PLD1: variants seen among roughly 807,000 people sequenced by gnomAD.
PLD1 encodes choline phosphatase 1.
Under a neutral mutation model 137.1 loss-of-function variants are expected in PLD1, and 112 were observed. That is an observed-to-expected ratio of 0.82 (90% confidence interval 0.70 to 0.96). PLD1 has a LOEUF of 0.96. PLD1 is among the 40% of genes least tolerant of loss of function. The pLI is 0.00. For synonymous variants in PLD1, 431 were observed against 454.7 expected (o/e 0.95, Z 0.66); for missense variants, 1,321 against 1,342.0 (o/e 0.98, Z 0.24).
intron 19 of PLD1, among the ~76,000 whole-genome samples, chr3:171,666,009 T>G (rs536904667): frequency 2.7e-4 from 41 of 152,356 alleles, no homozygotes; most frequent in African/African-American, 9.6e-4. Context: ...AGTTAAAATC[T>G]CCCTATCACC....
At chr3:171,759,263 C>A (rs142443988) in intron 1 of PLD1, among the ~76,000 whole-genome samples, 1 of 152,126 alleles carries the variant, frequency 6.6e-6, no homozygotes, top group Non-Finnish European at 1.5e-5. Context: ...CAGTAGCTGT[C>A]CTCTCACAAG....
Position 171,687,601 on chromosome 3 carries a change from T to C in PLD1, c.1540-17A>G. The C allele has an allele frequency of 6.3e-7, 1 of 1,582,442 alleles. No individual in the cohort carries two copies. Among genetic ancestry groups the C allele is most frequent in the Non-Finnish European group, 8.6e-7 (1 of 1,156,370 alleles). On this transcript the variant is annotated splice_polypyrimidine_tract_variant and intron_variant, in intron 14 of 26. Coordinates refer to ENST00000351298, the MANE Select transcript of PLD1 (RefSeq NM_002662.5). ...TGCGGCAGGCTGAGAAAAATTTTTTTTTAAAAAAAGACACTGCATAAGACA... is the reference window on the plus strand; with the variant it reads ...TGCGGCAGGCTGAGAAAAATTTTTTCTTAAAAAAAGACACTGCATAAGACA...
chr3:171,619,553 C>A (rs1733414533), intron 24 of PLD1, among the ~76,000 whole-genome samples: 1 of 152,144 alleles, frequency 6.6e-6, no homozygotes, highest in Non-Finnish European at 1.5e-5. Flanking sequence ...GCTCTACATC[C>A]TAATTAATGA....
intron 23 of PLD1, among the ~76,000 whole-genome samples, chr3:171,635,965 CTTTTTTTTTTTTT>C (rs71178231): frequency 0.39 from 19,311 of 49,694 alleles, 1,548 homozygotes; most frequent in Admixed American, 0.49. Context: ...GGTTCAACTT[CTTTTTTTTTTTTT>C]TTTTTTTTTT....
chr3:171,623,154 A>T (rs996633589), intron 23 of PLD1, among the ~76,000 whole-genome samples: 1 of 152,212 alleles, frequency 6.6e-6, no homozygotes, highest in African/African-American at 2.4e-5. Context: ...ATTACATGAG[A>T]TCGCATTAAT....
intron 8 of PLD1, among the ~76,000 whole-genome samples, chr3:171,722,861 A>ATT (rs1021325662): frequency 6.6e-6 from 1 of 151,988 alleles, no homozygotes; most frequent in Non-Finnish European, 1.5e-5. Context: ...TTTTTAATGT[A>ATT]TTTTTAATTT....
At chr3:171,626,608 T>A (rs1734131030) in intron 23 of PLD1, among the ~76,000 whole-genome samples, 1 of 151,884 alleles carries the variant, frequency 6.6e-6, no homozygotes, top group African/African-American at 2.4e-5. Flanking sequence ...GAGAGAAAGG[T>A]CGGGTTACCC....
chr3:171,619,602 C>A (rs1443248073), intron 24 of PLD1, among the ~76,000 whole-genome samples: 1 of 152,160 alleles, frequency 6.6e-6, no homozygotes, highest in African/African-American at 2.4e-5. Context: ...AGTGGTAATG[C>A]ATAGAGGCAG....
intron 19 of PLD1, among the ~76,000 whole-genome samples, chr3:171,672,994 T>C (rs1191740896): frequency 6.6e-6 from 1 of 152,220 alleles, no homozygotes; most frequent in African/African-American, 2.4e-5. Context: ...CAGCAATCCA[T>C]TTTCAACAGA....
intron 1 of PLD1, among the ~76,000 whole-genome samples, chr3:171,763,826 C>CTTTTTTT (rs1560286921): frequency 9.1e-6 from 1 of 110,314 alleles, no homozygotes; most frequent in African/African-American, 3.4e-5. Flanking sequence ...TATTTTCTTT[C>CTTTTTTT]TTTCTTTTTT....
At position 171,601,699 on chromosome 3, in the gene PLD1, A is replaced by G. The variant is rs186246034; in HGVS notation, c.*1379T>C. 5 of 152,310 alleles carry G rather than the reference A, an allele frequency of 3.3e-5. No individual in the cohort carries two copies. The East Asian group carries it at 9.6e-4, about 29-fold the overall frequency. 9.4% of individuals were successfully genotyped at this position (152,310 alleles called of 1,614,324 possible). A position where few individuals can be genotyped will look rare whatever the true frequency, so the allele number is the denominator to read the frequency against. On this transcript the variant is annotated 3_prime_UTR_variant, in exon 27 of 27. Coordinates refer to ENST00000351298, the MANE Select transcript of PLD1 (RefSeq NM_002662.5). ...CGGCTGCTTGCTTCTTTGAAGAACA[A>G]CCCAAATGAGAGTATGTCCAGGTAA...
chr3:171,632,266 AC>A (rs1455732643), intron 23 of PLD1, among the ~76,000 whole-genome samples: 1 of 152,150 alleles, frequency 6.6e-6, no homozygotes, highest in Non-Finnish European at 1.5e-5. Flanking sequence ...AAGCTCTGCC[AC>A]CCCCCAAAAT....
chr3:171,629,816 A>T (rs1053243969), intron 23 of PLD1, among the ~76,000 whole-genome samples: 6 of 152,230 alleles, frequency 3.9e-5, no homozygotes, highest in Non-Finnish European at 8.8e-5. Context: ...CCATATGGAG[A>T]AAGCTGAAAC....
chr3:171,696,536 G>C (rs1180399075), intron 12 of PLD1, among the ~76,000 whole-genome samples: 1 of 152,170 alleles, frequency 6.6e-6, no homozygotes, highest in Non-Finnish European at 1.5e-5. Context: ...CAATCAGATA[G>C]AAGAAAATAA....
chr3:171,711,817 T>TAAAAAAAAAAAAAAAAAAAAAAAAAA (rs36106956), intron 9 of PLD1, among the ~76,000 whole-genome samples: 1 of 99,206 alleles, frequency 1.0e-5, no homozygotes, highest in African/African-American at 4.0e-5. Flanking sequence ...TTATAAATGC[T>TAAAAAAAAAAAAAAAAAAAAAAAAAA]AAAAAAAAAA....
At chr3:171,638,884 T>C (rs572132542) in intron 23 of PLD1, among the ~76,000 whole-genome samples, 14 of 152,250 alleles carry the variant, frequency 9.2e-5, no homozygotes, top group African/African-American at 2.6e-4. Flanking sequence ...ATCTAATCCA[T>C]TGAGGGCCAG....
chr3:171,778,449 A>G (rs1722661857), intron 1 of PLD1, among the ~76,000 whole-genome samples: 1 of 152,212 alleles, frequency 6.6e-6, no homozygotes, highest in African/African-American at 2.4e-5. Context: ...AAAGCAGAGT[A>G]AGGGACTGGA....
In PLD1 at chr3:171,687,451, G is replaced by T; in HGVS notation, c.1673C>A (p.Ser558Tyr). Reference protein sequence around the residue: ...LKGIGKPRKFSKFSLYKQLHR... With the variant: ...LKGIGKPRKFYKFSLYKQLHR... Reference sequence around the variant, plus strand: ...GAGCTGCTTGTAGAGACTAAATTTGGAGAACTTTCTTGGCTTTCCTATTCC... The same window carrying T: ...GAGCTGCTTGTAGAGACTAAATTTGTAGAACTTTCTTGGCTTTCCTATTCC... Residue 558 changes from serine (S) to tyrosine (Y), a missense_variant, in exon 15 of 27, where the codon TCC (serine) becomes TAC (tyrosine). Ser to Tyr is a moderately radical substitution (Grantham distance 144, BLOSUM62 -2). Coordinates refer to ENST00000351298, the MANE Select transcript of PLD1 (RefSeq NM_002662.5). 2.5e-6 allele frequency: 4 copies of T among 1,614,142 alleles called. No homozygotes were observed. The highest frequency in any genetic ancestry group is 3.4e-6 in the Non-Finnish European group (4 of 1,180,014).
At position 171,628,130 on chromosome 3, in the gene PLD1, GA is replaced by G. The variant is rs1218075751; in HGVS notation, c.2594-7611del. Among the ~76,000 whole-genome samples, 569 of 151,984 alleles carry G rather than the reference GA, an allele frequency of 3.7e-3. 2 individuals are homozygous for G. The highest frequency in any genetic ancestry group is 0.013 in the African/African-American group (539 of 41,462). ...GACCGCTAGCAAGACTAATAAAGAAGAAAAGAGAGAAGAATTAAATAGACGC... is the reference window on the plus strand; with the variant it reads ...GACCGCTAGCAAGACTAATAAAGAAGAAAGAGAGAAGAATTAAATAGACGC... On this transcript the variant is annotated intron_variant, in intron 23 of 26. Transcript: ENST00000351298.
Sources: allele counts gnomAD v4.1 joint callset (sites outside exome capture counted in the v4.1 genomes callset), GRCh38; gene constraint gnomAD v4.1.1; transcripts MANE v1.5; gene names NCBI Gene and HGNC (gene_info 2026-07-23, HGNC 2026-07-21).